The following MCOLN2 variants were observed in gnomAD, a reference collection of about 807,000 sequenced individuals.
MCOLN2 encodes the protein mucolipin-2.
MCOLN2 carries 57 observed loss-of-function variants against 67.5 expected under a neutral mutation model. The ratio of observed to expected loss-of-function variants is 0.84; its 90% CI spans 0.68 to 1.05. MCOLN2 has a LOEUF of 1.05. MCOLN2 is among the 50% of genes least tolerant of loss of function. MCOLN2 has a pLI of 0.00. For missense variants in MCOLN2, 620 were observed against 678.8 expected (o/e 0.91, Z 0.96); for synonymous variants, 246 against 233.3 (o/e 1.05, Z -0.50).
At chr1:84,961,640 T>G (rs151203558) in intron 2 of MCOLN2, among the ~76,000 whole-genome samples, 13 of 152,020 alleles carry the variant, frequency 8.6e-5, no homozygotes, top group Non-Finnish European at 1.6e-4. Flanking sequence ...AGAGTAAGAG[T>G]AAGGGAAGAT....
At chr1:84,937,680 C>G (rs1338218347) in intron 11 of MCOLN2, 75 bp downstream of exon 11, 13 of 1,582,072 alleles carry the variant, frequency 8.2e-6, no homozygotes, top group Non-Finnish European at 1.1e-5. Flanking sequence ...GACCAGGAAG[C>G]AAGTAAGTGC....
At chr1:84,940,139 C>T (rs1054350368) in intron 8 of MCOLN2, among the ~76,000 whole-genome samples, 3 of 151,784 alleles carry the variant, frequency 2.0e-5, no homozygotes, top group African/African-American at 4.8e-5. Context: ...AGCCCCCTCA[C>T]CTTGGCAGGG....
At position 84,937,964 on chromosome 1, in the gene MCOLN2, C is replaced by T. The variant is rs116868434; in HGVS notation, c.1212+17G>A. The T allele has an allele frequency of 1.6e-4, 263 of 1,608,196 alleles. 1 individual carries two copies. In the East Asian group the frequency reaches 3.7e-3, roughly 23 times the overall value. ...GAGTCTCAACTGCAGTGGCACTACC[C>T]GGTGCCGCATCCTTACATTATATGC... On this transcript the variant is annotated intron_variant, in intron 10 of 13. Transcript: ENST00000370608.
chr1:84,929,785 G>T, intron 12 of MCOLN2, 106 bp from the exon 13 acceptor site: 2 of 1,091,478 alleles, frequency 1.8e-6, no homozygotes, highest in South Asian at 3.2e-5. Context: ...CTCCCACATT[G>T]CTAGCTCAGA....
chr1:84,965,628 C>G lies in MCOLN2; in HGVS notation c.158G>C (p.Cys53Ser), dbSNP rs755162384. 4.3e-6 allele frequency: 7 copies of G among 1,613,942 alleles called. No individual in the cohort carries two copies. The East Asian group carries it at 1.3e-4, about 31-fold the overall frequency. ...EDLKFYFMSP[C>S]EKYRARRQIP... The stretch of plus-strand genomic sequence containing the variant: ...CTGGCGTCTGGCTCGGTATTTTTCA[C>G]AAGGGCTCATGAAGTAAAACTTCAG... Residue 53 changes from cysteine to serine, a missense_variant, in exon 2 of 14, where the codon TGT becomes TCT. Cys to Ser is a moderately radical substitution (Grantham distance 112). Coordinates refer to ENST00000370608, the MANE Select transcript of MCOLN2 (RefSeq NM_153259.4).
At chr1:84,954,300 T>C (rs1205471555) in intron 4 of MCOLN2, among the ~76,000 whole-genome samples, 1 of 152,246 alleles carries the variant, frequency 6.6e-6, no homozygotes, top group Non-Finnish European at 1.5e-5. Flanking sequence ...GTTTGGCAGA[T>C]GGAGTATTAC....
chr1:84,953,550 C>CAAAAA (rs138750958), intron 4 of MCOLN2, among the ~76,000 whole-genome samples: 423 of 118,370 alleles, frequency 3.6e-3, no homozygotes, highest in African/African-American at 0.012. Context: ...AACTCTATCT[C>CAAAAA]AAAAAAAAAA....
chr1:84,964,772 T>A (rs961103001), intron 2 of MCOLN2, among the ~76,000 whole-genome samples: 4 of 152,170 alleles, frequency 2.6e-5, no homozygotes, highest in African/African-American at 9.7e-5. Context: ...ATCCTTCGCA[T>A]GTGCAGTTAA....
chr1:84,969,910 C>T (rs1649580440), intron 1 of MCOLN2, among the ~76,000 whole-genome samples: 1 of 152,122 alleles, frequency 6.6e-6, no homozygotes, highest in Admixed American at 6.5e-5. Context: ...TGGGAAAGCC[C>T]ATAAGAGTCA....
intron 1 of MCOLN2, among the ~76,000 whole-genome samples, chr1:84,968,156 C>T (rs1183944098): frequency 6.6e-6 from 1 of 152,068 alleles, no homozygotes; most frequent in Non-Finnish European, 1.5e-5. Context: ...TATAGGACTA[C>T]AGAGAAGGCC....
chr1:84,970,231 G>A (rs1649600872), intron 1 of MCOLN2, among the ~76,000 whole-genome samples: 2 of 151,922 alleles, frequency 1.3e-5, no homozygotes, highest in African/African-American at 2.4e-5. Context: ...AGGCCCTTGA[G>A]AATAAAGCCA....
At chr1:84,930,648 G>C (rs1184935334) in intron 12 of MCOLN2, among the ~76,000 whole-genome samples, 1 of 152,100 alleles carries the variant, frequency 6.6e-6, no homozygotes, top group Non-Finnish European at 1.5e-5. Flanking sequence ...ACACTCAAAA[G>C]GTAGCGGACT....
chr1:84,987,512 ATATG>A (rs1557665680), intron 1 of MCOLN2, among the ~76,000 whole-genome samples: 932 of 41,776 alleles, frequency 0.022, 79 homozygotes, highest in African/African-American at 0.058. Context: ...AGATGTATAC[ATATG>A]TATATATGTA....
chr1:84,936,026 A>C (rs556525342), intron 11 of MCOLN2, among the ~76,000 whole-genome samples: 70 of 152,340 alleles, frequency 4.6e-4, no homozygotes, highest in African/African-American at 1.5e-3. Context: ...CAGGTACTGG[A>C]GTCAGGCCGA....
intron 2 of MCOLN2, among the ~76,000 whole-genome samples, chr1:84,961,941 T>C (rs1280460302): frequency 6.6e-6 from 1 of 152,198 alleles, no homozygotes; most frequent in African/African-American, 2.4e-5. Context: ...CTCAAGATTA[T>C]AAATTACTGC....
intron 1 of MCOLN2, among the ~76,000 whole-genome samples, chr1:84,994,677 G>A (rs1651060768): frequency 6.6e-6 from 1 of 152,026 alleles, no homozygotes; most frequent in Non-Finnish European, 1.5e-5. Flanking sequence ...TTTAGTGAAT[G>A]TTGGTGCTGG....
chr1:84,993,091 A>T (rs1269902568), intron 1 of MCOLN2, among the ~76,000 whole-genome samples: 3 of 152,364 alleles, frequency 2.0e-5, no homozygotes, highest in African/African-American at 7.2e-5. Flanking sequence ...AACTATGTTT[A>T]CGGAATATGC....
chr1:84,927,738 C>G (rs61149592), intron 13 of MCOLN2, among the ~76,000 whole-genome samples: 59 of 152,310 alleles, frequency 3.9e-4, no homozygotes, highest in African/African-American at 1.4e-3. Context: ...CATCTTTAGC[C>G]TCCATTCACA....
intron 1 of MCOLN2, among the ~76,000 whole-genome samples, chr1:84,985,806 T>C (rs1408092818): frequency 6.6e-6 from 1 of 152,086 alleles, no homozygotes; most frequent in Non-Finnish European, 1.5e-5. Flanking sequence ...CACAAACAAA[T>C]GGAAACACAT....
Sources: allele counts gnomAD v4.1 joint callset (sites outside exome capture counted in the v4.1 genomes callset), GRCh38; gene constraint gnomAD v4.1.1; transcripts MANE v1.5; gene names NCBI Gene and HGNC (gene_info 2026-07-23, HGNC 2026-07-21).